NCKAP5: variants seen among roughly 807,000 people sequenced by gnomAD.
The protein encoded by NCKAP5 is NCK associated protein 5, also known as nck-associated protein 5.
A neutral mutation model predicts 167.0 loss-of-function variants in NCKAP5; 92 were observed. The observed-to-expected ratio is 0.55, with a 90% CI of 0.47 to 0.66. The LOEUF is 0.66. NCKAP5 is among the 30% of genes least tolerant of loss of function. NCKAP5 has a pLI of 0.00. For synonymous variants in NCKAP5, 891 were observed against 877.4 expected (o/e 1.02, Z -0.27); for missense variants, 2,378 against 2,315.0 (o/e 1.03, Z -0.56).
intron 2 of NCKAP5, among the ~76,000 whole-genome samples, chr2:133,542,691 G>A (rs1686329779): frequency 6.6e-6 from 1 of 152,098 alleles, no homozygotes; most frequent in Non-Finnish European, 1.5e-5. Context: ...ACCATTTGAG[G>A]GGTCCATCTG....
intron 6 of NCKAP5, among the ~76,000 whole-genome samples, chr2:133,080,339 T>A (rs145426244): frequency 1.1e-3 from 172 of 152,280 alleles, no homozygotes; most frequent in Middle Eastern, 6.8e-3. Context: ...CTGGTGAACA[T>A]CCCATATAAT....
intron 5 of NCKAP5, among the ~76,000 whole-genome samples, chr2:133,150,176 C>A (rs1183697710): frequency 2.6e-5 from 4 of 152,150 alleles, no homozygotes; most frequent in Non-Finnish European, 5.9e-5. Flanking sequence ...CAGAAATAAA[C>A]AATTCATAAT....
chr2:133,488,236 G>C (rs1681084232), intron 3 of NCKAP5, among the ~76,000 whole-genome samples: 1 of 151,844 alleles, frequency 6.6e-6, no homozygotes, highest in African/African-American at 2.4e-5. Flanking sequence ...TTTTTTGTTT[G>C]ATTTTCTCAG....
chr2:132,883,180 C>T (rs754098465), intron 8 of NCKAP5, among the ~76,000 whole-genome samples: 26 of 145,374 alleles, frequency 1.8e-4, no homozygotes, highest in Non-Finnish European at 3.3e-4. Context: ...CCAGCCTGGG[C>T]GACAAAACCA....
chr2:133,432,475 C>T (rs1253632466), intron 3 of NCKAP5, among the ~76,000 whole-genome samples: 2 of 152,142 alleles, frequency 1.3e-5, no homozygotes, highest in African/African-American at 2.4e-5. Context: ...CTCCCAGTGC[C>T]TGTTGTTGCT....
At chr2:132,840,102 T>C (rs1428959654) in intron 11 of NCKAP5, among the ~76,000 whole-genome samples, 1 of 152,194 alleles carries the variant, frequency 6.6e-6, no homozygotes, top group Non-Finnish European at 1.5e-5. Context: ...GACTTTTCTC[T>C]GGTTCTTAGA....
chr2:133,619,425 A>G, the NCKAP5 span, among the ~76,000 whole-genome samples: 1 of 152,042 alleles, frequency 6.6e-6, no homozygotes, highest in Non-Finnish European at 1.5e-5. Flanking sequence ...TCAAGGATAC[A>G]CTTAGATAAA....
chr2:133,103,622 T>C (rs1451037952), intron 6 of NCKAP5, among the ~76,000 whole-genome samples: 2 of 152,138 alleles, frequency 1.3e-5, no homozygotes, highest in Non-Finnish European at 2.9e-5. Context: ...AGCAAGACCC[T>C]GTCTCTACAA....
chr2:133,355,812 A>G (rs1276101439), intron 3 of NCKAP5, among the ~76,000 whole-genome samples: 4 of 152,200 alleles, frequency 2.6e-5, no homozygotes, highest in Admixed American at 2.6e-4. Flanking sequence ...ATCACCTCAC[A>G]TATTTGCATT....
At chr2:133,416,337 A>G (rs1222927648) in intron 3 of NCKAP5, among the ~76,000 whole-genome samples, 1 of 152,202 alleles carries the variant, frequency 6.6e-6, no homozygotes, top group East Asian at 1.9e-4. Flanking sequence ...CATGGGCTTA[A>G]TAGAGATACC....
intron 3 of NCKAP5, among the ~76,000 whole-genome samples, chr2:133,446,884 G>A (rs1013194347): frequency 6.6e-6 from 1 of 152,084 alleles, no homozygotes; most frequent in African/African-American, 2.4e-5. Flanking sequence ...AGCTTGAAGT[G>A]CCCATATTTA....
intron 19 of NCKAP5, among the ~76,000 whole-genome samples, chr2:132,720,144 G>A (rs1689767880): frequency 6.6e-6 from 1 of 152,110 alleles, no homozygotes; most frequent in African/African-American, 2.4e-5. Context: ...CCTTTACACT[G>A]TTGTCCCCCG....
At chr2:133,004,122 G>A (rs2077880532) in intron 6 of NCKAP5, among the ~76,000 whole-genome samples, 1 of 152,214 alleles carries the variant, frequency 6.6e-6, no homozygotes, top group Admixed American at 6.5e-5. Context: ...CATCCACAAA[G>A]AGAGGGGGAG....
chr2:133,471,042 G>A (rs528463796), intron 3 of NCKAP5, among the ~76,000 whole-genome samples: 1 of 152,072 alleles, frequency 6.6e-6, no homozygotes, highest in African/African-American at 2.4e-5. Context: ...CTCCCCCCCT[G>A]CTTTTGCTTT....
intron 6 of NCKAP5, among the ~76,000 whole-genome samples, chr2:133,073,078 G>A (rs2080473597): frequency 6.6e-6 from 1 of 152,122 alleles, no homozygotes; most frequent in Non-Finnish European, 1.5e-5. Context: ...TCATTTTTGT[G>A]CTTGTTTCTT....
intron 6 of NCKAP5, among the ~76,000 whole-genome samples, chr2:133,002,106 G>C (rs941195661): frequency 6.6e-6 from 1 of 152,094 alleles, no homozygotes; most frequent in African/African-American, 2.4e-5. Flanking sequence ...ATCCCCCATG[G>C]AAACTGAGGG....
intron 3 of NCKAP5, among the ~76,000 whole-genome samples, chr2:133,399,352 C>T (rs1687954036): frequency 6.6e-6 from 1 of 150,392 alleles, no homozygotes; most frequent in Non-Finnish European, 1.5e-5. Flanking sequence ...GTCTTCATTG[C>T]ACAGATTAAG....
At position 132,682,917 on chromosome 2, in the gene NCKAP5, C is replaced by T. The variant is rs56329807; in HGVS notation, c.5714-9612G>A. Reference sequence around the variant, plus strand: ...TTTTTTTTTTTGAGACAGAGTCTCACTCTGTTACCCAGGCTGGAGTGCAGT... The same window carrying T: ...TTTTTTTTTTTGAGACAGAGTCTCATTCTGTTACCCAGGCTGGAGTGCAGT... On this transcript the variant is annotated intron_variant, in intron 19 of 19. Coordinates refer to ENST00000409261, the MANE Select transcript of NCKAP5 (RefSeq NM_207363.3). Among the ~76,000 whole-genome samples, 1,372 of 150,152 alleles carry T rather than the reference C, an allele frequency of 9.1e-3. 24 individuals carry two copies. The highest frequency in any genetic ancestry group is 0.032 in the African/African-American group (1,302 of 40,804).
chr2:132,895,248 G>A (rs1357699484), intron 8 of NCKAP5, among the ~76,000 whole-genome samples: 2 of 150,974 alleles, frequency 1.3e-5, no homozygotes, highest in Admixed American at 6.6e-5. Flanking sequence ...GGAGAATAGC[G>A]TGAACCCGGG....
Sources: allele counts gnomAD v4.1 joint callset (sites outside exome capture counted in the v4.1 genomes callset), GRCh38; gene constraint gnomAD v4.1.1; transcripts MANE v1.5; gene names NCBI Gene and HGNC (gene_info 2026-07-23, HGNC 2026-07-21).